PCGF5: variants seen among roughly 807,000 people sequenced by gnomAD.
The protein encoded by PCGF5 is polycomb group RING finger protein 5.
A neutral mutation model predicts 44.3 loss-of-function variants in PCGF5; 9 were observed. The ratio of observed to expected loss-of-function variants is 0.20; its 90% CI spans 0.12 to 0.35. The LOEUF is 0.35. Ranked by LOEUF, PCGF5 falls within the 10% of genes least tolerant of loss-of-function variation. The pLI, the probability that PCGF5 is intolerant of heterozygous loss-of-function variation, is 1.00. For synonymous variants in PCGF5, 95 were observed against 102.5 expected (o/e 0.93, Z 0.44); for missense variants, 146 against 305.3 (o/e 0.48, Z 3.89).
chr10:91,276,828 G>A (rs900239337), intron 9 of PCGF5, among the ~76,000 whole-genome samples: 1 of 152,304 alleles, frequency 6.6e-6, no homozygotes, highest in South Asian at 2.1e-4. Context: ...TTAGTATAGT[G>A]AAGGGCAAGC....
chr10:91,272,481 TA>T (rs67708075), intron 9 of PCGF5, among the ~76,000 whole-genome samples: 19,368 of 151,914 alleles, frequency 0.13, 2,274 homozygotes, highest in African/African-American at 0.31. Flanking sequence ...AAAAAAAAAT[TA>T]TTTTTTTAGG....
chr10:91,203,758 A>T (rs1007501906), intron 1 of PCGF5, among the ~76,000 whole-genome samples: 2 of 152,104 alleles, frequency 1.3e-5, no homozygotes, highest in African/African-American at 4.8e-5. Flanking sequence ...TTCCATTGTA[A>T]ATTTGAAATT....
chr10:91,190,680 A>AT (rs1199994697), intron 1 of PCGF5, among the ~76,000 whole-genome samples: 4 of 152,116 alleles, frequency 2.6e-5, no homozygotes, highest in African/African-American at 4.8e-5. Context: ...CAATTTCTTG[A>AT]TTTTTTTCCC....
At chr10:91,186,425 G>A (rs7902769) in intron 1 of PCGF5, among the ~76,000 whole-genome samples, 26,620 of 152,092 alleles carry the variant, frequency 0.18, 3,014 homozygotes, top group East Asian at 0.49. Context: ...TGGAAGTCTT[G>A]TTGCATTGAA....
Position 91,281,130 on chromosome 10 carries a change from G to A in PCGF5, c.*2814G>A, listed in dbSNP as rs545500039. ...TAATAGAGAAATCAAAATATGTATGGCCTTTTCTCTAGATTAGCAAAACAG... is the reference window on the plus strand; with the variant it reads ...TAATAGAGAAATCAAAATATGTATGACCTTTTCTCTAGATTAGCAAAACAG... On this transcript the variant is annotated 3_prime_UTR_variant, in exon 10 of 10. Transcript: ENST00000336126. The A allele has an allele frequency of 2.0e-5, 3 of 152,496 alleles. No individual in the cohort carries two copies. The South Asian group carries it at 6.2e-4, about 32-fold the overall frequency. The allele number at this position is 152,496 out of a possible 1,614,324, so 9.4% of individuals were successfully genotyped here.
At chr10:91,239,664 T>C (rs2133343494) in intron 2 of PCGF5, among the ~76,000 whole-genome samples, 1 of 152,220 alleles carries the variant, frequency 6.6e-6, no homozygotes, top group Non-Finnish European at 1.5e-5. Context: ...ACTGTAAATA[T>C]TGTCTAAGGT....
chr10:91,260,727 G>A (rs888065520), intron 6 of PCGF5, among the ~76,000 whole-genome samples: 15 of 148,068 alleles, frequency 1.0e-4, no homozygotes, highest in East Asian at 8.2e-4. Context: ...ACCAAACACC[G>A]CATGTTCTCA....
At position 91,248,880 on chromosome 10, in the gene PCGF5, G is replaced by C. The variant is rs373473374; in HGVS notation, c.325+156G>C. On this transcript the variant is annotated intron_variant, in intron 5 of 9. Coordinates refer to ENST00000336126, the MANE Select transcript of PCGF5 (RefSeq NM_032373.5). ...ATTACGAACCTTTTTCTCTATATGA[G>C]ATTTTATATAAATGAGTGTAAATCT... 1.0e-3 allele frequency among the ~76,000 whole-genome samples: 157 copies of C among 152,112 alleles called. 1 individual carries two copies. The highest frequency in any genetic ancestry group is 3.7e-3 in the African/African-American group (154 of 41,516).
In PCGF5 at chr10:91,277,393, T is replaced by A. The variant is rs1426986775; in HGVS notation, c.724-876T>A. 2.0e-5 allele frequency among the ~76,000 whole-genome samples: 3 copies of A among 152,356 alleles called. No homozygotes were observed. In the East Asian group the frequency reaches 5.8e-4, roughly 29 times the overall value. On this transcript the variant is annotated intron_variant, in intron 9 of 9. Transcript: ENST00000336126. ...TTCTTGATTCCATAAAAGTAGCTCC[T>A]CAAATTTCATTTTAAGAGAGAGTAT...
At chr10:91,185,216 C>A (rs1283370551) in intron 1 of PCGF5, among the ~76,000 whole-genome samples, 2 of 152,158 alleles carry the variant, frequency 1.3e-5, no homozygotes, top group African/African-American at 4.8e-5. Context: ...AGTGGGGTGG[C>A]TGGAGGCCTG....
intron 3 of PCGF5, among the ~76,000 whole-genome samples, chr10:91,245,380 A>C (rs1197293939): frequency 6.6e-6 from 1 of 152,124 alleles, no homozygotes; most frequent in Non-Finnish European, 1.5e-5. Context: ...CAAAAACCTA[A>C]CTGGGTTGTT....
At chr10:91,255,504 G>A (rs548743303) in intron 6 of PCGF5, among the ~76,000 whole-genome samples, 2 of 152,198 alleles carry the variant, frequency 1.3e-5, no homozygotes, top group South Asian at 4.1e-4. Context: ...TTGAATATTG[G>A]TGGTATGCCC....
chr10:91,222,845 A>T lies in PCGF5; in HGVS notation c.-27A>T, dbSNP rs374274424. On this transcript the variant is annotated 5_prime_UTR_variant, in exon 2 of 10. Coordinates refer to ENST00000336126, the MANE Select transcript of PCGF5 (RefSeq NM_032373.5). ...CTTAGGACCCCTCTTTGCCCAGACT[A>T]CTAAAGCCAGTCTTCACTAGCCACG... 1.4e-6 allele frequency: 2 copies of T among 1,420,132 alleles called. No individual in the cohort carries two copies. Among genetic ancestry groups the T allele is most frequent in the Non-Finnish European group, 2.0e-6 (2 of 1,003,734 alleles). The allele number at this position is 1,420,132 out of a possible 1,614,324, so 88.0% of individuals were successfully genotyped here.
At chr10:91,273,857 T>C (rs796149669) in intron 9 of PCGF5, among the ~76,000 whole-genome samples, 4 of 150,066 alleles carry the variant, frequency 2.7e-5, no homozygotes, top group African/African-American at 9.7e-5. Flanking sequence ...AAATATTTTA[T>C]ACATTTTATA....
chr10:91,268,822 T>C (rs1423168230), intron 8 of PCGF5, among the ~76,000 whole-genome samples: 1 of 152,170 alleles, frequency 6.6e-6, no homozygotes, highest in Non-Finnish European at 1.5e-5. Flanking sequence ...GTCCCTGCCC[T>C]CTCTAGACCC....
intron 2 of PCGF5, 74 bp downstream of exon 2, chr10:91,223,057 T>C: frequency 1.0e-6 from 1 of 994,592 alleles, no homozygotes; most frequent in Non-Finnish European, 1.6e-6. Context: ...TTGCCATGTT[T>C]TGTTTTTATC....
At chr10:91,180,689 A>G (rs1015860614) in intron 1 of PCGF5, among the ~76,000 whole-genome samples, 2 of 152,098 alleles carry the variant, frequency 1.3e-5, no homozygotes, top group Admixed American at 6.5e-5. Context: ...TGGGTTCTCT[A>G]TTATGTTCCA....
At position 91,222,944 on chromosome 10, in the gene PCGF5, C is replaced by G; in HGVS notation, c.73C>G (p.Leu25Val). The change falls in exon 2 of 10, where the codon CTG becomes GTG. Residue 25 changes from leucine (L) to valine (V), a missense_variant. Physicochemically the swap from Leu to Val is conservative, Grantham distance 32. Around this residue, in one of 3 missense-constraint regions of PCGF5, gnomAD observed 123 missense variants for 268.6 expected, o/e 0.46. Transcript: ENST00000336126. ...YITCYICKGY[L>V]IKPTTVTECL... is the part of the protein sequence containing the mutation. The stretch of plus-strand genomic sequence containing the variant: ...TACCTGCTATATCTGTAAAGGGTAT[C>G]TGATCAAGCCAACAACAGTGACGGA... 6.2e-7 allele frequency: 1 copy of G among 1,612,146 alleles called. No homozygotes were observed. Among genetic ancestry groups the G allele is most frequent in the Non-Finnish European group, 8.5e-7 (1 of 1,178,188 alleles).
intron 1 of PCGF5, among the ~76,000 whole-genome samples, chr10:91,192,668 G>A (rs546270527): frequency 3.3e-5 from 5 of 152,248 alleles, no homozygotes; most frequent in South Asian, 4.1e-4. Flanking sequence ...ATCAGGAAAC[G>A]ACATACAATA....
Sources: allele counts gnomAD v4.1 joint callset (sites outside exome capture counted in the v4.1 genomes callset), GRCh38; gene constraint gnomAD v4.1.1; regional missense constraint gnomAD v4.1.1; transcripts MANE v1.5; gene names NCBI Gene and HGNC (gene_info 2026-07-23, HGNC 2026-07-21).